The following LEF1 variants were observed in gnomAD, a reference collection of about 807,000 sequenced individuals.
LEF1 encodes lymphoid enhancer-binding factor 1.
Under a neutral mutation model 51.2 loss-of-function variants are expected in LEF1, and 14 were observed. The ratio of observed to expected loss-of-function variants is 0.27; its 90% CI spans 0.18 to 0.43. The LOEUF (loss-of-function observed/expected upper bound fraction) is 0.43. LEF1 is among the 20% of genes least tolerant of loss of function. LEF1 has a pLI of 1.00. For missense variants in LEF1, 386 were observed against 512.0 expected (o/e 0.75, Z 2.37); for synonymous variants, 185 against 183.2 (o/e 1.01, Z -0.08).
chr4:108,055,920 A>G (rs897133711), intron 11 of LEF1, among the ~76,000 whole-genome samples: 10 of 152,214 alleles, frequency 6.6e-5, no homozygotes, highest in Admixed American at 5.2e-4. Context: ...CTTTATTAAC[A>G]CAGAGCTGTC....
intron 3 of LEF1, among the ~76,000 whole-genome samples, chr4:108,099,456 C>A (rs530747431): frequency 1.7e-4 from 25 of 150,316 alleles, no homozygotes; most frequent in African/African-American, 6.1e-4. Flanking sequence ...TTTAACATTA[C>A]ATTTCAATAT....
At chr4:108,128,167 G>C (rs565668913) in intron 3 of LEF1, among the ~76,000 whole-genome samples, 8 of 152,184 alleles carry the variant, frequency 5.3e-5, no homozygotes, top group African/African-American at 1.9e-4. Flanking sequence ...AAATACACAT[G>C]CAAACTCTAT....
At position 108,063,665 on chromosome 4, in the gene LEF1, T is replaced by C; in HGVS notation, c.1166-2A>G. The C allele has an allele frequency of 1.3e-6, 2 of 1,590,884 alleles. No homozygotes were observed. The highest frequency in any genetic ancestry group is 2.3e-5 in the East Asian group (1 of 44,196). On this transcript the variant is annotated splice_acceptor_variant, in intron 10 of 11. Transcript: ENST00000265165. LOFTEE classifies it high-confidence loss of function. ...CAGCTGTCATTCTTGGACCTGTACC[T>C]GCAGAAAATTGTGTCTTTAACAAAT...
intron 3 of LEF1, among the ~76,000 whole-genome samples, chr4:108,161,543 CT>C (rs1745053161): frequency 6.6e-6 from 1 of 152,090 alleles, no homozygotes; most frequent in Admixed American, 6.5e-5. Flanking sequence ...CAATAAATAC[CT>C]TCTATCAAAA....
At chr4:108,081,565 C>T (rs375823908) in intron 6 of LEF1, 21 bp downstream of exon 6, 328 of 1,604,978 alleles carry the variant, frequency 2.0e-4, no homozygotes, top group Non-Finnish European at 2.6e-4. Context: ...CTCGAGCGCC[C>T]CAGTTTCCAC....
chr4:108,155,760 A>T (rs954189990), intron 3 of LEF1, among the ~76,000 whole-genome samples: 2 of 152,226 alleles, frequency 1.3e-5, no homozygotes, highest in African/African-American at 4.8e-5. Flanking sequence ...TTTCAGAAGA[A>T]GATGATGGAG....
chr4:108,131,842 G>A (rs1282773856), intron 3 of LEF1, among the ~76,000 whole-genome samples: 1 of 152,158 alleles, frequency 6.6e-6, no homozygotes, highest in Non-Finnish European at 1.5e-5. Flanking sequence ...GCGTTGTATA[G>A]GGTATGATGA....
chr4:108,148,970 T>C (rs940581210), intron 3 of LEF1, among the ~76,000 whole-genome samples: 8 of 152,234 alleles, frequency 5.3e-5, no homozygotes, highest in African/African-American at 1.9e-4. Flanking sequence ...AATTTTCTTA[T>C]ATTAAGTAGC....
Position 108,064,327 on chromosome 4 carries a change from G to A in LEF1, c.1165+9C>T, listed in dbSNP as rs776075473. ...CTGAGGATTGACTGGAAAGTCTCATGGTGCCTACCTGATGCAGATTCCTGT... is the reference window on the plus strand; with the variant it reads ...CTGAGGATTGACTGGAAAGTCTCATAGTGCCTACCTGATGCAGATTCCTGT... On this transcript the variant is annotated intron_variant, in intron 10 of 11. Coordinates refer to ENST00000265165, the MANE Select transcript of LEF1 (RefSeq NM_016269.5). 1 of 1,606,718 alleles carries A rather than the reference G, an allele frequency of 6.2e-7. No individual in the cohort carries two copies. The highest frequency in any genetic ancestry group is 1.1e-5 in the South Asian group (1 of 90,794).
chr4:108,062,573 C>T (rs1737767851), intron 11 of LEF1, among the ~76,000 whole-genome samples: 1 of 152,092 alleles, frequency 6.6e-6, no homozygotes, highest in East Asian at 1.9e-4. Context: ...TATCTTTTAG[C>T]CAACGGGAAG....
intron 4 of LEF1, among the ~76,000 whole-genome samples, chr4:108,088,285 G>A (rs1231705324): frequency 6.6e-6 from 1 of 152,164 alleles, no homozygotes; most frequent in African/African-American, 2.4e-5. Context: ...GTAGGCAGTG[G>A]CAAATTTTAC....
chr4:108,088,083 A>T (rs1739765744), intron 4 of LEF1, among the ~76,000 whole-genome samples: 1 of 152,230 alleles, frequency 6.6e-6, no homozygotes, highest in African/African-American at 2.4e-5. Flanking sequence ...AGTCTAGTGC[A>T]CTAGTAACTA....
intron 3 of LEF1, among the ~76,000 whole-genome samples, chr4:108,163,083 C>G (rs1408384508): frequency 6.6e-6 from 1 of 152,044 alleles, no homozygotes; most frequent in Non-Finnish European, 1.5e-5. Flanking sequence ...CCCGCCAAAC[C>G]GATCCTAAGG....
chr4:108,155,786 T>A (rs1744657942), intron 3 of LEF1, among the ~76,000 whole-genome samples: 1 of 152,214 alleles, frequency 6.6e-6, no homozygotes, highest in African/African-American at 2.4e-5. Flanking sequence ...ACATTAGATC[T>A]CAGGTCTTTT....
Position 108,063,606 on chromosome 4 carries a change from CAG to C in LEF1, c.*6+15_*6+16del. On this transcript the variant is annotated intron_variant, in intron 11 of 11. Coordinates refer to ENST00000265165, the MANE Select transcript of LEF1 (RefSeq NM_016269.5). ...TAACAACTAACGTCAGCAGTAGGAC[CAG>C]AGAGTCGTTCTTACCATGTTTCAGA... is the stretch of plus-strand genomic sequence containing the variant. 1 of 1,586,760 alleles carries C rather than the reference CAG, an allele frequency of 6.3e-7. No individual in the cohort carries two copies. The highest frequency in any genetic ancestry group is 8.6e-7 in the Non-Finnish European group (1 of 1,167,514).
chr4:108,164,507 T>C (rs1027868337), intron 2 of LEF1, among the ~76,000 whole-genome samples: 1 of 152,226 alleles, frequency 6.6e-6, no homozygotes, highest in African/African-American at 2.4e-5. Flanking sequence ...CAAAGAATTC[T>C]CCTTAAGTCT....
At chr4:108,101,473 T>C (rs190877693) in intron 3 of LEF1, among the ~76,000 whole-genome samples, 88 of 152,310 alleles carry the variant, frequency 5.8e-4, no homozygotes, top group African/African-American at 1.9e-3. Flanking sequence ...CTGAAAACCA[T>C]TGTGAATCTC....
chr4:108,143,832 G>A (rs113928075), intron 3 of LEF1, among the ~76,000 whole-genome samples: 4 of 152,182 alleles, frequency 2.6e-5, no homozygotes, highest in African/African-American at 7.2e-5. Flanking sequence ...AGTAGCCCCC[G>A]GAGCTGTGGG....
intron 3 of LEF1, among the ~76,000 whole-genome samples, chr4:108,112,377 C>T (rs1209763985): frequency 6.6e-6 from 1 of 152,136 alleles, no homozygotes; most frequent in African/African-American, 2.4e-5. Flanking sequence ...CTGGTTTCTC[C>T]AGGCAATGAG....
Sources: gnomAD v4.1 joint callset for allele counts (sites outside exome capture counted in the v4.1 genomes callset) on GRCh38, gnomAD v4.1.1 for gene constraint, MANE v1.5 for transcripts, NCBI Gene and HGNC (gene_info 2026-07-23, HGNC 2026-07-21) for gene names.